The following MTX3 variants were observed in gnomAD, a reference collection of about 807,000 sequenced individuals.
MTX3 encodes metaxin 3.
MTX3 carries 27 observed loss-of-function variants against 42.5 expected under a neutral mutation model. The observed-to-expected ratio is 0.64, with a 90% CI of 0.47 to 0.88. MTX3 has a LOEUF of 0.88. Among genes scored for constraint, MTX3 ranks in the 40% least tolerant of loss-of-function variants. The pLI is 0.00. For synonymous variants in MTX3, 144 were observed against 132.9 expected (o/e 1.08, Z -0.57); for missense variants, 378 against 367.0 (o/e 1.03, Z -0.25).
chr5:79,987,507 G>A (rs922287324), intron 6 of MTX3, among the ~76,000 whole-genome samples: 9 of 151,322 alleles, frequency 5.9e-5, no homozygotes, highest in Non-Finnish European at 1.2e-4. Flanking sequence ...ACTAACTTGG[G>A]ATGGTGTTTA....
In MTX3 at chr5:79,985,643, T is replaced by A. The variant is rs776995464; in HGVS notation, c.756A>T (p.Gly252=). ...GCAGATTTGCATCTACCGTTTCTTG[T>A]CCAGCTGGAGAGATGCCTAAGAAGC... ...RLSLGGISPA[G]QETVDANLQK... The change falls in exon 8 of 9, where the codon GGA becomes GGT. Residue 252 remains glycine, a synonymous_variant. Transcript: ENST00000512528. The A allele has an allele frequency of 6.2e-7, 1 of 1,612,764 alleles. No individual in the cohort carries two copies. The highest frequency in any genetic ancestry group is 8.5e-7 in the Non-Finnish European group (1 of 1,178,990).
intron 3 of MTX3, 47 bp downstream of exon 3, chr5:79,990,113 A>T: frequency 8.4e-7 from 1 of 1,190,264 alleles, no homozygotes; most frequent in South Asian, 1.4e-5. Context: ...CCCAACATGC[A>T]GGGATCAACA....
Position 79,991,234 on chromosome 5 carries a change from G to C in MTX3, c.5C>G (p.Ala2Gly). The change falls in exon 1 of 9, where the codon GCG becomes GGG. Residue 2 changes from alanine (A) to glycine (G), a missense_variant. Ala to Gly is a moderately conservative substitution (Grantham distance 60). Transcript: ENST00000512528. MAAPLELSCWGG... is the reference protein window; with the variant it reads MGAPLELSCWGG... The stretch of plus-strand genomic sequence containing the variant: ...CCAGCAACTGAGTTCCAAGGGGGCC[G>C]CCATCTTGCGCGGGCCGACCTTTAC... 6.9e-7 allele frequency: 1 copy of C among 1,452,000 alleles called. No individual in the cohort carries two copies. The highest frequency in any genetic ancestry group is 9.1e-7 in the Non-Finnish European group (1 of 1,098,766). The allele number at this position is 1,452,000 out of a possible 1,614,324, so 89.9% of individuals were successfully genotyped here. A position where few individuals can be genotyped will look rare whatever the true frequency, so the allele number is the denominator to read the frequency against.
intron 7 of MTX3, among the ~76,000 whole-genome samples, chr5:79,986,412 G>C (rs892349913): frequency 1.3e-5 from 2 of 152,102 alleles, no homozygotes; most frequent in African/African-American, 4.8e-5. Flanking sequence ...TAAGCACAAG[G>C]CTCCACTCTC....
At position 79,977,524 on chromosome 5, in the gene MTX3, C is replaced by T. The variant is rs1466842909; in HGVS notation, c.*6160G>A. 1 of 152,236 alleles carries T rather than the reference C, an allele frequency of 6.6e-6. No individual in the cohort carries two copies. Among genetic ancestry groups the T allele is most frequent in the Non-Finnish European group, 1.5e-5 (1 of 68,038 alleles). The allele number at this position is 152,236 out of a possible 1,614,324, so 9.4% of individuals were successfully genotyped here. On this transcript the variant is annotated 3_prime_UTR_variant, in exon 9 of 9. Transcript: ENST00000512528. ...CAAAACCCACAGGCGAGCTTTCTCT[C>T]AAATACACATTCAAAATGGTGTTCC...
At chr5:79,984,090 C>T (rs1831434789) in intron 8 of MTX3, among the ~76,000 whole-genome samples, 1 of 152,174 alleles carries the variant, frequency 6.6e-6, no homozygotes, top group Non-Finnish European at 1.5e-5. Context: ...AAGAGGTCTT[C>T]TGATAGTAAG....
Position 79,980,349 on chromosome 5 carries a change from C to T in MTX3, c.*3335G>A, listed in dbSNP as rs1231221674. On this transcript the variant is annotated 3_prime_UTR_variant, in exon 9 of 9. Transcript: ENST00000512528. ...TTGATTGAAATAAGCTTCCCCATTC[C>T]TTCATGTTAATATATCTAGCAATAT... is the stretch of plus-strand genomic sequence containing the variant. 2.0e-5 allele frequency: 3 copies of T among 152,068 alleles called. No individual in the cohort carries two copies. The highest frequency in any genetic ancestry group is 2.9e-5 in the Non-Finnish European group (2 of 68,010). 9.4% of individuals were successfully genotyped at this position (152,068 alleles called of 1,614,324 possible). A position where few individuals can be genotyped will look rare whatever the true frequency, so the allele number is the denominator to read the frequency against.
Position 79,989,262 on chromosome 5 carries a change from AC to A in MTX3, c.229-19del. 1 of 1,487,716 alleles carries A rather than the reference AC, an allele frequency of 6.7e-7. No homozygotes were observed. Among genetic ancestry groups the A allele is most frequent in the African/African-American group, 1.4e-5 (1 of 70,910 alleles). 92.2% of individuals were successfully genotyped at this position (1,487,716 alleles called of 1,614,324 possible). ...TTATATTTCTATTAAAAAAAAATAA[AC>A]CAAAGAAACTCAGAAGTCAAAGAGC... On this transcript the variant is annotated intron_variant, in intron 3 of 8. Coordinates refer to ENST00000512528, the MANE Select transcript of MTX3 (RefSeq NM_001363818.2).
At chr5:79,986,585 A>G in intron 7 of MTX3, 2 of 361,244 alleles carry the variant, frequency 5.5e-6, no homozygotes, top group South Asian at 2.1e-5. Flanking sequence ...GCAGGTAAAA[A>G]TCATTTAAAG....
chr5:79,987,136 A>T, intron 6 of MTX3, 29 bp from the exon 7 acceptor site: 1 of 1,607,616 alleles, frequency 6.2e-7, no homozygotes, highest in Non-Finnish European at 8.5e-7. Flanking sequence ...TTTTTAAAGC[A>T]CATAAGACAA....
intron 7 of MTX3, among the ~76,000 whole-genome samples, chr5:79,986,472 C>T (rs1831492325): frequency 6.6e-6 from 1 of 152,202 alleles, no homozygotes; most frequent in South Asian, 2.1e-4. Context: ...ACTATACTTC[C>T]ATTCTGATGC....
At chr5:79,984,281 G>A (rs1173252711) in intron 8 of MTX3, among the ~76,000 whole-genome samples, 1 of 152,196 alleles carries the variant, frequency 6.6e-6, no homozygotes, top group East Asian at 1.9e-4. Context: ...AAGCTAGTAT[G>A]AGAGCTGAAA....
chr5:79,985,958 G>A, intron 7 of MTX3, among the ~76,000 whole-genome samples: 1 of 137,784 alleles, frequency 7.3e-6, no homozygotes, highest in African/African-American at 2.7e-5. Context: ...AAGCACAGTA[G>A]TCCTCATTTC....
In MTX3 at chr5:79,983,045, A is replaced by T. The variant is rs1167130103; in HGVS notation, c.*639T>A. 1 of 153,968 alleles carries T rather than the reference A, an allele frequency of 6.5e-6. No homozygotes were observed. The highest frequency in any genetic ancestry group is 2.4e-5 in the African/African-American group (1 of 41,460). 9.5% of individuals were successfully genotyped at this position (153,968 alleles called of 1,614,324 possible). On this transcript the variant is annotated 3_prime_UTR_variant, in exon 9 of 9. Transcript: ENST00000512528. The stretch of plus-strand genomic sequence containing the variant: ...CAAAGACCAATGTTATACTGAAATG[A>T]GTATTATCAGATGTTATTATATGTA...
rs373441749 is a variant in MTX3, at chr5:79,989,262, A to T, written c.229-18T>A. ...TTATATTTCTATTAAAAAAAAATAA[A>T]CCAAAGAAACTCAGAAGTCAAAGAG... On this transcript the variant is annotated intron_variant, in intron 3 of 8. Coordinates refer to ENST00000512528, the MANE Select transcript of MTX3 (RefSeq NM_001363818.2). 6.7e-7 allele frequency: 1 copy of T among 1,487,718 alleles called. No individual in the cohort carries two copies. The highest frequency in any genetic ancestry group is 9.1e-7 in the Non-Finnish European group (1 of 1,093,550). 92.2% of individuals were successfully genotyped at this position (1,487,718 alleles called of 1,614,324 possible). A position where few individuals can be genotyped will look rare whatever the true frequency, so the allele number is the denominator to read the frequency against.
rs1831296488 is a variant in MTX3 at position 79,978,206 on chromosome 5, T to C, written c.*5478A>G. ...GGGGCACCCAACAACAAGAAACCTT[T>C]GTAATGAGTATGAACTAGCAAAAAC... On this transcript the variant is annotated 3_prime_UTR_variant, in exon 9 of 9. Transcript: ENST00000512528. 6.6e-6 allele frequency: 1 copy of C among 152,364 alleles called. No homozygotes were observed. Among genetic ancestry groups the C allele is most frequent in the East Asian group, 1.9e-4 (1 of 5,182 alleles). 9.4% of individuals were successfully genotyped at this position (152,364 alleles called of 1,614,324 possible).
Position 79,979,288 on chromosome 5 carries a change from G to A in MTX3, c.*4396C>T, listed in dbSNP as rs1237626145. The A allele has an allele frequency of 6.6e-6, 1 of 152,050 alleles. No homozygotes were observed. The allele number at this position is 152,050 out of a possible 1,614,324, so 9.4% of individuals were successfully genotyped here. ...CGAAACTTCAAGTTTGAGGATAATG[G>A]GCTTACTGACCTGACCTTTGATTTC... On this transcript the variant is annotated 3_prime_UTR_variant, in exon 9 of 9. Transcript: ENST00000512528.
Position 79,976,943 on chromosome 5 carries a change from A to C in MTX3, c.*6741T>G, listed in dbSNP as rs1272784287. Reference sequence around the variant, plus strand: ...TTTAAGATTGTTTACTTTATAAAGAAGCTAGAGTAGTTGTGCAACTAGAAC... The same window carrying C: ...TTTAAGATTGTTTACTTTATAAAGACGCTAGAGTAGTTGTGCAACTAGAAC... On this transcript the variant is annotated 3_prime_UTR_variant, in exon 9 of 9. Coordinates refer to ENST00000512528, the MANE Select transcript of MTX3 (RefSeq NM_001363818.2). 1 of 152,546 alleles carries C rather than the reference A, an allele frequency of 6.6e-6. No homozygotes were observed. Among genetic ancestry groups the C allele is most frequent in the Non-Finnish European group, 1.5e-5 (1 of 68,036 alleles). The allele number at this position is 152,546 out of a possible 1,614,324, so 9.4% of individuals were successfully genotyped here.
Position 79,983,514 on chromosome 5 carries a change from A to T in MTX3, c.*170T>A. On this transcript the variant is annotated 3_prime_UTR_variant, in exon 9 of 9. Coordinates refer to ENST00000512528, the MANE Select transcript of MTX3 (RefSeq NM_001363818.2). The stretch of plus-strand genomic sequence containing the variant: ...GTTATTAAAAATGCAGTGCCAAGCT[A>T]GAATACAAGCTTCCTAATAATAATA... 3 of 597,866 alleles carry T rather than the reference A, an allele frequency of 5.0e-6. No individual in the cohort carries two copies. The South Asian group carries it at 5.9e-5, about 12-fold the overall frequency. The allele number at this position is 597,866 out of a possible 1,614,324, so 37.0% of individuals were successfully genotyped here. A position where few individuals can be genotyped will look rare whatever the true frequency, so the allele number is the denominator to read the frequency against.
Sources: allele counts gnomAD v4.1 joint callset (sites outside exome capture counted in the v4.1 genomes callset), GRCh38; gene constraint gnomAD v4.1.1; transcripts MANE v1.5; gene names NCBI Gene and HGNC (gene_info 2026-07-23, HGNC 2026-07-21).